The following AUH variants were observed in gnomAD, a reference collection of about 807,000 sequenced individuals.
The protein encoded by AUH is AU RNA binding methylglutaconyl-CoA hydratase, also known as methylglutaconyl-CoA hydratase, mitochondrial.
Under a neutral mutation model 42.3 loss-of-function variants are expected in AUH, and 29 were observed. The observed-to-expected ratio is 0.69, with a 90% confidence interval of 0.51 to 0.93. The LOEUF is 0.93. AUH is among the 40% of genes least tolerant of loss of function. The pLI, the probability that AUH is intolerant of heterozygous loss-of-function variation, is 0.00. For missense variants in AUH, 452 were observed against 438.1 expected (o/e 1.03, Z -0.28); for synonymous variants, 174 against 166.4 (o/e 1.05, Z -0.35).
At chr9:91,296,194 A>ATTATTTTTTTTTTTTTTTTTTTTT in intron 5 of AUH, 117 bp from the exon 6 acceptor site, 2 of 1,019,520 alleles carry the variant, frequency 2.0e-6, no homozygotes, top group South Asian at 1.5e-5. Flanking sequence ...GATATCACAA[A>ATTATTTTTTTTTTTTTTTTTTTTT]TTCTTAAAAA....
At chr9:91,338,333 G>A (rs1280384904) in intron 3 of AUH, among the ~76,000 whole-genome samples, 1 of 152,154 alleles carries the variant, frequency 6.6e-6, no homozygotes, top group Non-Finnish European at 1.5e-5. Flanking sequence ...GCAAACTATA[G>A]TAACACCTCC....
chr9:91,264,132 G>A (rs1829845780), intron 6 of AUH, among the ~76,000 whole-genome samples: 1 of 152,056 alleles, frequency 6.6e-6, no homozygotes, highest in Non-Finnish European at 1.5e-5. Context: ...ACACATATAT[G>A]TGTTATATGT....
At chr9:91,357,037 C>A (rs935982859) in intron 1 of AUH, among the ~76,000 whole-genome samples, 4 of 152,164 alleles carry the variant, frequency 2.6e-5, no homozygotes, top group African/African-American at 9.7e-5. Context: ...ACTGTGCAGA[C>A]CCATTCTTTA....
At chr9:91,267,870 T>C (rs958724245) in intron 6 of AUH, among the ~76,000 whole-genome samples, 1 of 152,140 alleles carries the variant, frequency 6.6e-6, no homozygotes, top group Non-Finnish European at 1.5e-5. Context: ...CTTTTCCATA[T>C]GAGTTGTTGG....
Position 91,357,464 on chromosome 9 carries a change from C to T in AUH, c.263-1309G>A, listed in dbSNP as rs908777028. ...CTAAGACTAGATGTGTCCATTCATT[C>T]AAACATACTGAGTACGTACTATAGT... is the stretch of plus-strand genomic sequence containing the variant. On this transcript the variant is annotated intron_variant, in intron 1 of 9. Transcript: ENST00000375731. 3 of 962,792 alleles carry T rather than the reference C, an allele frequency of 3.1e-6. No homozygotes were observed. The African/African-American group carries it at 5.3e-5, about 17-fold the overall frequency. The allele number at this position is 962,792 out of a possible 1,614,324, so 59.6% of individuals were successfully genotyped here.
chr9:91,329,614 G>A (rs1056355570), intron 3 of AUH, among the ~76,000 whole-genome samples: 1 of 151,862 alleles, frequency 6.6e-6, no homozygotes, highest in African/African-American at 2.4e-5. Context: ...TCCTTATTGA[G>A]TTGTAAGTTA....
chr9:91,340,142 G>A (rs1022516267), intron 3 of AUH, among the ~76,000 whole-genome samples: 13 of 152,148 alleles, frequency 8.5e-5, no homozygotes, highest in Non-Finnish European at 4.4e-5. Context: ...AGGCATTCAC[G>A]CTATGACCAG....
chr9:91,299,069 T>C (rs1006614977), intron 4 of AUH, among the ~76,000 whole-genome samples: 10 of 152,046 alleles, frequency 6.6e-5, no homozygotes, highest in Non-Finnish European at 1.3e-4. Context: ...AATACAAAAA[T>C]TAGCCAGGCA....
intron 1 of AUH, among the ~76,000 whole-genome samples, chr9:91,356,796 C>G (rs1172506118): frequency 6.6e-6 from 1 of 152,210 alleles, no homozygotes; most frequent in African/African-American, 2.4e-5. Flanking sequence ...TAGAATGCAT[C>G]CCCTACTTAA....
At chr9:91,312,560 T>A (rs936428571) in intron 4 of AUH, among the ~76,000 whole-genome samples, 1 of 152,162 alleles carries the variant, frequency 6.6e-6, no homozygotes, top group Non-Finnish European at 1.5e-5. Flanking sequence ...AAACCCTGTC[T>A]CTACCAAAAA....
At chr9:91,269,254 T>C (rs999674481) in intron 6 of AUH, among the ~76,000 whole-genome samples, 7 of 152,028 alleles carry the variant, frequency 4.6e-5, no homozygotes, top group Non-Finnish European at 8.8e-5. Flanking sequence ...GCTGGCATTA[T>C]AGGCGTGAGC....
At chr9:91,298,101 C>T in intron 4 of AUH, 25 bp from the exon 5 acceptor site, 3 of 1,541,738 alleles carry the variant, frequency 1.9e-6, no homozygotes, top group Non-Finnish European at 2.7e-6. Flanking sequence ...AAATTTTATG[C>T]TTCCTTAATA....
chr9:91,337,021 A>G (rs1374554971), intron 3 of AUH, among the ~76,000 whole-genome samples: 3 of 152,126 alleles, frequency 2.0e-5, no homozygotes, highest in Non-Finnish European at 2.9e-5. Flanking sequence ...GGCCTTCAAC[A>G]CATCATTTAC....
intron 7 of AUH, among the ~76,000 whole-genome samples, chr9:91,217,742 G>C (rs1826906591): frequency 6.6e-6 from 1 of 152,116 alleles, no homozygotes; most frequent in African/African-American, 2.4e-5. Flanking sequence ...ATTAAGGTAG[G>C]GTTCTGATAT....
chr9:91,264,577 AT>A (rs1829870954), intron 6 of AUH, among the ~76,000 whole-genome samples: 2 of 152,166 alleles, frequency 1.3e-5, no homozygotes, highest in South Asian at 4.1e-4. Flanking sequence ...TTTCTTGGTT[AT>A]TACTTTGTTT....
At chr9:91,327,682 T>C (rs1050372758) in intron 3 of AUH, among the ~76,000 whole-genome samples, 4 of 152,218 alleles carry the variant, frequency 2.6e-5, no homozygotes, top group South Asian at 2.1e-4. Context: ...AGGGCTGTGA[T>C]GCCCCTGGCC....
intron 3 of AUH, among the ~76,000 whole-genome samples, chr9:91,327,719 A>G (rs1156321939): frequency 2.6e-5 from 4 of 152,354 alleles, no homozygotes; most frequent in African/African-American, 7.2e-5. Flanking sequence ...TGCAACGGGA[A>G]TAAAAGAGCT....
chr9:91,295,640 A>T (rs1301391107), intron 6 of AUH, among the ~76,000 whole-genome samples: 5 of 152,230 alleles, frequency 3.3e-5, no homozygotes, highest in African/African-American at 1.2e-4. Flanking sequence ...CAGCAAAAAG[A>T]TTATGATTCT....
chr9:91,270,408 G>A (rs774659115), intron 6 of AUH, among the ~76,000 whole-genome samples: 2 of 152,174 alleles, frequency 1.3e-5, no homozygotes, highest in Non-Finnish European at 2.9e-5. Context: ...GAACAGCCCT[G>A]TGCTTTCCTC....
Sources: allele counts gnomAD v4.1 joint callset (sites outside exome capture counted in the v4.1 genomes callset), GRCh38; gene constraint gnomAD v4.1.1; transcripts MANE v1.5; gene names NCBI Gene and HGNC (gene_info 2026-07-23, HGNC 2026-07-21).